Variants in MANSC1 observed in about 807,000 individuals in gnomAD.
MANSC1 encodes MANSC domain-containing protein 1.
Under a neutral mutation model 14.1 loss-of-function variants are expected in MANSC1, and 13 were observed. The observed-to-expected ratio is 0.92, with a 90% CI of 0.60 to 1.46. The LOEUF (loss-of-function observed/expected upper bound fraction) is 1.46. Among genes scored for constraint, MANSC1 ranks in the 40% most tolerant of loss-of-function variants. The pLI, the probability that MANSC1 is intolerant of heterozygous loss-of-function variation, is 0.00. For missense variants in MANSC1, 486 were observed against 511.4 expected (o/e 0.95, Z 0.48); for synonymous variants, 227 against 200.7 (o/e 1.13, Z -1.11).
At chr12:12,333,752 G>A (rs1862822689) in intron 3 of MANSC1, among the ~76,000 whole-genome samples, 1 of 152,126 alleles carries the variant, frequency 6.6e-6, no homozygotes, top group Non-Finnish European at 1.5e-5. Context: ...CTATTACTGG[G>A]ACCCCAGCTG....
At chr12:12,334,472 T>C (rs1376435584) in intron 3 of MANSC1, among the ~76,000 whole-genome samples, 2 of 152,156 alleles carry the variant, frequency 1.3e-5, no homozygotes, top group Non-Finnish European at 2.9e-5. Flanking sequence ...AAACACAACT[T>C]GCACACATCC....
intron 1 of MANSC1, among the ~76,000 whole-genome samples, chr12:12,349,116 C>T (rs1208697519): frequency 6.6e-6 from 1 of 152,238 alleles, no homozygotes; most frequent in Non-Finnish European, 1.5e-5. Flanking sequence ...GCTAATACTA[C>T]TGTGGCTTTT....
At chr12:12,345,118 G>A (rs868409405) in intron 1 of MANSC1, among the ~76,000 whole-genome samples, 1 of 148,776 alleles carries the variant, frequency 6.7e-6, no homozygotes, top group Non-Finnish European at 1.5e-5. Flanking sequence ...TCAGGAGTTC[G>A]ACACCAGCCT....
At position 12,342,576 on chromosome 12, in the gene MANSC1, GTTTTTTTGTTTT is replaced by G. The variant is rs1274827842; in HGVS notation, c.223+504_223+515del. On this transcript the variant is annotated intron_variant, in intron 2 of 3. Transcript: ENST00000535902. ...AAGCTGTAGTTACCTAGTAGTCAGT[GTTTTTTTGTTTT>G]TTTTTTTTTTTTTTTTTTTTGACTT... Among the ~76,000 whole-genome samples the G allele has an allele frequency of 3.0e-3, 309 of 103,980 alleles. 1 individual carries two copies. The highest frequency in any genetic ancestry group is 9.6e-3 in the African/African-American group (269 of 28,010). The allele number at this position is 103,980 out of a possible 152,430, so 68.2% of individuals were successfully genotyped here.
Position 12,330,394 on chromosome 12 carries a change from G to A in MANSC1, c.929C>T (p.Pro310Leu). ...TTCTAAGCTGCCTTTCGAGTCCGTA[G>A]GTGCCTGAAAGGTGGTAGTCAGAAC... ...TAVLTTTFQA[P>L]TDSKGSLETI... is the part of the protein sequence containing the mutation. Residue 310 changes from proline (P) to leucine (L), a missense_variant, in exon 4 of 4, where the codon CCT becomes CTT. Coordinates refer to ENST00000535902, the MANE Select transcript of MANSC1 (RefSeq NM_018050.4). The A allele has an allele frequency of 6.2e-7, 1 of 1,614,226 alleles. No homozygotes were observed. Among genetic ancestry groups the A allele is most frequent in the Non-Finnish European group, 8.5e-7 (1 of 1,180,040 alleles).
chr12:12,347,492 C>T (rs755299229), intron 1 of MANSC1, among the ~76,000 whole-genome samples: 37 of 152,286 alleles, frequency 2.4e-4, no homozygotes, highest in East Asian at 3.9e-4. Context: ...TACTGGTCTG[C>T]GGCCCAGGGG....
Position 12,330,790 on chromosome 12 carries a change from G to C in MANSC1, c.533C>G (p.Ser178Cys). The part of the protein sequence containing the change: ...WRDTLSQKFG[S>C]SDHLEKLFKM... ...AAATAGTTTCTCCAAGTGATCTGAG[G>C]ATCCAAACTTCTGAGAAAGTGTGTC... The change falls in exon 4 of 4, where the codon TCC becomes TGC. Residue 178 changes from serine (S) to cysteine (C), a missense_variant. Transcript: ENST00000535902. The C allele has an allele frequency of 6.2e-7, 1 of 1,614,124 alleles. No homozygotes were observed. The highest frequency in any genetic ancestry group is 1.3e-5 in the African/African-American group (1 of 75,032).
At chr12:12,341,166 C>G (rs1862927918) in intron 2 of MANSC1, among the ~76,000 whole-genome samples, 3 of 152,148 alleles carry the variant, frequency 2.0e-5, no homozygotes. Flanking sequence ...TCGGCTACTG[C>G]TAATTCAGGG....
At chr12:12,333,378 G>A (rs1862818248) in intron 3 of MANSC1, among the ~76,000 whole-genome samples, 1 of 152,074 alleles carries the variant, frequency 6.6e-6, no homozygotes. Flanking sequence ...AAAAGAAAAA[G>A]ACTGTTTAAG....
intron 1 of MANSC1, among the ~76,000 whole-genome samples, chr12:12,344,915 C>CCA (rs1862986080): frequency 3.3e-5 from 1 of 30,060 alleles, no homozygotes; most frequent in Non-Finnish European, 6.3e-5. Context: ...TAATAAACTC[C>CCA]CATATATATA....
At chr12:12,337,618 T>G (rs1337362710) in intron 3 of MANSC1, among the ~76,000 whole-genome samples, 1 of 152,150 alleles carries the variant, frequency 6.6e-6, no homozygotes, top group Non-Finnish European at 1.5e-5. Context: ...TCTGTAATTC[T>G]GATTTTATGC....
chr12:12,330,835 G>A lies in MANSC1; in HGVS notation c.488C>T (p.Pro163Leu). 6.2e-7 allele frequency: 1 copy of A among 1,614,086 alleles called. No homozygotes were observed. Among genetic ancestry groups the A allele is most frequent in the Non-Finnish European group, 8.5e-7 (1 of 1,179,994 alleles). The change falls in exon 4 of 4, where the codon CCC becomes CTC. Residue 163 changes from proline (P) to leucine (L), a missense_variant. Pro to Leu is a moderately conservative substitution (Grantham distance 98). Transcript: ENST00000535902. ...LAHHHTDYSK[P>L]TDISWRDTLS... Reference sequence around the variant, plus strand: ...TGTGTCTCTCCATGAGATATCGGTGGGCTTTGAATAATCTGTGTGATGATG... The same window carrying A: ...TGTGTCTCTCCATGAGATATCGGTGAGCTTTGAATAATCTGTGTGATGATG...
intron 1 of MANSC1, among the ~76,000 whole-genome samples, chr12:12,344,793 G>C (rs1205739975): frequency 6.7e-6 from 1 of 149,288 alleles, no homozygotes; most frequent in Non-Finnish European, 1.5e-5. Flanking sequence ...TCTTGAGCTG[G>C]ATGCTTCCTG....
Position 12,330,012 on chromosome 12 carries a change from C to T in MANSC1, c.*15G>A, listed in dbSNP as rs148873264. 6.2e-7 allele frequency: 1 copy of T among 1,602,850 alleles called. No homozygotes were observed. Among genetic ancestry groups the T allele is most frequent in the African/African-American group, 1.3e-5 (1 of 74,512 alleles). ...TCTGGTTACTAAATGAATTAAGAGACACCGAGTTCCATCCTTAGATGTCCA... is the reference window on the plus strand; with the variant it reads ...TCTGGTTACTAAATGAATTAAGAGATACCGAGTTCCATCCTTAGATGTCCA... On this transcript the variant is annotated 3_prime_UTR_variant, in exon 4 of 4. Transcript: ENST00000535902.
Position 12,328,866 on chromosome 12 carries a change from T to C in MANSC1, c.*1161A>G, listed in dbSNP as rs1182761658. ...AGCTGGGCGTGTTGGCGGGCGCCTG[T>C]AGTCCCAGCTACTTGGGAGGCTGAG... On this transcript the variant is annotated 3_prime_UTR_variant, in exon 4 of 4. Coordinates refer to ENST00000535902, the MANE Select transcript of MANSC1 (RefSeq NM_018050.4). The C allele has an allele frequency of 6.6e-6, 1 of 151,946 alleles. No individual in the cohort carries two copies. The highest frequency in any genetic ancestry group is 1.5e-5 in the Non-Finnish European group (1 of 68,020). The allele number at this position is 151,946 out of a possible 1,614,324, so 9.4% of individuals were successfully genotyped here.
intron 1 of MANSC1, among the ~76,000 whole-genome samples, chr12:12,347,382 G>T (rs533500377): frequency 1.2e-3 from 178 of 152,276 alleles, no homozygotes; most frequent in African/African-American, 4.2e-3. Context: ...GATCTGACAG[G>T]AGGTGGAGCT....
chr12:12,338,524 C>T lies in MANSC1; in HGVS notation c.260G>A (p.Arg87Gln), dbSNP rs139772377. The T allele has an allele frequency of 3.6e-5, 58 of 1,613,340 alleles. No individual in the cohort carries two copies. In the African/African-American group the frequency reaches 6.1e-4, roughly 17 times the overall value. ...KACNLMIFDT[R>Q]KTARQPNCYL... ...GCAGTTGGGTTGTCTAGCTGTTTTT[C>T]GAGTGTCGAAGATCATCAAGTTACA... is the stretch of plus-strand genomic sequence containing the variant. Residue 87 changes from arginine (R) to glutamine (Q), a missense_variant, in exon 3 of 4, where the codon CGA (arginine) becomes CAA (glutamine). Arg to Gln is a conservative substitution (Grantham distance 43). Coordinates refer to ENST00000535902, the MANE Select transcript of MANSC1 (RefSeq NM_018050.4).
At position 12,336,576 on chromosome 12, in the gene MANSC1, G is replaced by C. The variant is rs192667894; in HGVS notation, c.364+1844C>G. ...GTATCTCACTTTGTCACCCAGGCTA[G>C]AGTGTAGTGGCATGAACACAGCTCA... On this transcript the variant is annotated intron_variant, in intron 3 of 3. Transcript: ENST00000535902. Among the ~76,000 whole-genome samples the C allele has an allele frequency of 2.9e-3, 435 of 152,158 alleles. 2 individuals carry two copies. Among genetic ancestry groups the C allele is most frequent in the African/African-American group, 9.1e-3 (378 of 41,500 alleles).
At chr12:12,345,424 G>C (rs1862998518) in intron 1 of MANSC1, among the ~76,000 whole-genome samples, 1 of 151,840 alleles carries the variant, frequency 6.6e-6, no homozygotes, top group Non-Finnish European at 1.5e-5. Context: ...ATCAGAGTTA[G>C]AAAACTCTAA....
Sources: gnomAD v4.1 joint callset for allele counts (sites outside exome capture counted in the v4.1 genomes callset) on GRCh38, gnomAD v4.1.1 for gene constraint, MANE v1.5 for transcripts, NCBI Gene and HGNC (gene_info 2026-07-23, HGNC 2026-07-21) for gene names.